RAD50: variants seen among roughly 807,000 people sequenced by gnomAD.
RAD50 encodes DNA repair protein RAD50.
A neutral mutation model predicts 168.8 loss-of-function variants in RAD50; 132 were observed. That is an observed-to-expected ratio of 0.78 (90% CI 0.68 to 0.90). The LOEUF is 0.90. Ranked by LOEUF, RAD50 falls within the 40% of genes least tolerant of loss-of-function variation. The probability of loss-of-function intolerance (pLI) is 0.00; values close to 1 mark genes in which losing one functional copy is unlikely to be tolerated. For synonymous variants in RAD50, 525 were observed against 497.4 expected, an observed-to-expected ratio of 1.06 and a Z score of -0.74; for missense variants, 1,347 against 1,534.4, an observed-to-expected ratio of 0.88 and a Z score of 2.04.
chr5:132,557,915 A>T lies in RAD50; in HGVS notation c.129+462A>T, dbSNP rs187330013. Reference sequence around the variant, plus strand: ...AGACATAATACATGGAAAATAAATAAATTCAAAATGTAACTGATGTAGTGG... The same window carrying T: ...AGACATAATACATGGAAAATAAATATATTCAAAATGTAACTGATGTAGTGG... On this transcript the variant is annotated intron_variant, in intron 1 of 24. Transcript: ENST00000378823. Among the ~76,000 whole-genome samples, 3 of 152,316 alleles carry T rather than the reference A, an allele frequency of 2.0e-5. No individual in the cohort carries two copies. The East Asian group carries it at 5.8e-4, about 29-fold the overall frequency.
Position 132,587,604 on chromosome 5 carries a change from A to C in RAD50, c.799A>C (p.Lys267Gln). Residue 267 changes from lysine (K) to glutamine (Q), a missense_variant, in exon 6 of 25, where the codon AAA becomes CAA. Lys to Gln is a moderately conservative substitution (Grantham distance 53). This residue lies in a region of RAD50 where 703 missense variants were observed against 767.7 expected (regional missense o/e 0.92). Transcript: ENST00000378823. Reference protein sequence around the residue: ...EIEHNLSKIMKLDNEIKALDS... With the variant: ...EIEHNLSKIMQLDNEIKALDS... ...TGAACATAATCTCTCTAAAATAATG[A>C]AACTTGACAATGAAATTAAAGCCTT... is the stretch of plus-strand genomic sequence containing the variant. The C allele has an allele frequency of 6.2e-7, 1 of 1,613,696 alleles. No homozygotes were observed. Among genetic ancestry groups the C allele is most frequent in the South Asian group, 1.1e-5 (1 of 91,018 alleles).
At chr5:132,588,198 AGGCTATACACAG>A (rs938183889) in intron 7 of RAD50, 109 bp downstream of exon 7, 1 of 1,271,322 alleles carries the variant, frequency 7.9e-7, no homozygotes, top group Non-Finnish European at 1.1e-6. Flanking sequence ...CAATCTTAAA[AGGCTATACACAG>A]TATGTTTCCA....
chr5:132,637,639 C>T (rs1271503291), intron 22 of RAD50, among the ~76,000 whole-genome samples: 3 of 151,944 alleles, frequency 2.0e-5, no homozygotes, highest in Non-Finnish European at 4.4e-5. Context: ...AGGTGATTCT[C>T]CCACCTCAGC....
At chr5:132,629,127 T>C (rs1251875779) in intron 21 of RAD50, among the ~76,000 whole-genome samples, 1 of 152,168 alleles carries the variant, frequency 6.6e-6, no homozygotes, top group Non-Finnish European at 1.5e-5. Context: ...CTGCATACCC[T>C]GAGAACCAGT....
intron 16 of RAD50, among the ~76,000 whole-genome samples, chr5:132,605,359 GA>G: frequency 6.6e-6 from 1 of 152,148 alleles, no homozygotes; most frequent in East Asian, 1.9e-4. Context: ...TTCTCTTTTA[GA>G]GACAGAGTCT....
chr5:132,558,251 G>C (rs1750047038), intron 1 of RAD50, among the ~76,000 whole-genome samples: 1 of 152,144 alleles, frequency 6.6e-6, no homozygotes, highest in African/African-American at 2.4e-5. Flanking sequence ...TATGTACTTA[G>C]GATTGTACTA....
intron 5 of RAD50, among the ~76,000 whole-genome samples, chr5:132,586,007 A>G (rs1045920328): frequency 6.6e-6 from 1 of 152,170 alleles, no homozygotes. Flanking sequence ...GGTACAGTTT[A>G]TAAACTTTTT....
At chr5:132,619,910 CTT>C (rs1268430961) in intron 21 of RAD50, among the ~76,000 whole-genome samples, 4 of 117,782 alleles carry the variant, frequency 3.4e-5, no homozygotes, top group East Asian at 2.6e-4. Context: ...AGAGATATAT[CTT>C]TTTTTTTTTT....
chr5:132,578,376 T>G (rs1750436914), intron 3 of RAD50, among the ~76,000 whole-genome samples: 1 of 152,166 alleles, frequency 6.6e-6, no homozygotes, highest in Non-Finnish European at 1.5e-5. Flanking sequence ...TGGAATCTGT[T>G]TCCATCTCTA....
In RAD50 at chr5:132,643,793, A is replaced by T. The variant is rs977328621; in HGVS notation, c.*1429A>T. On this transcript the variant is annotated 3_prime_UTR_variant, in exon 25 of 25. Transcript: ENST00000378823. ...AATCAATTCTAGTCATATATTAAAC[A>T]TCCACAATAACCAAGATATTTTTAT... The T allele has an allele frequency of 3.0e-5, 7 of 231,658 alleles. No individual in the cohort carries two copies. 14.4% of individuals were successfully genotyped at this position (231,658 alleles called of 1,614,324 possible). A position where few individuals can be genotyped will look rare whatever the true frequency, so the allele number is the denominator to read the frequency against.
chr5:132,612,574 C>T (rs536125687), intron 19 of RAD50, among the ~76,000 whole-genome samples: 56 of 152,270 alleles, frequency 3.7e-4, no homozygotes, highest in Non-Finnish European at 5.7e-4. Context: ...GTGGCTCATG[C>T]CTGTAATCCT....
intron 16 of RAD50, among the ~76,000 whole-genome samples, chr5:132,605,507 G>C (rs958141201): frequency 6.6e-6 from 1 of 152,014 alleles, no homozygotes; most frequent in Admixed American, 6.6e-5. Flanking sequence ...ACCACGCCTG[G>C]CTAATTTTTA....
intron 21 of RAD50, among the ~76,000 whole-genome samples, chr5:132,635,173 T>C (rs1271613709): frequency 1.3e-5 from 2 of 152,228 alleles, no homozygotes; most frequent in Admixed American, 1.3e-4. Flanking sequence ...TTTTCTCTGA[T>C]CTTGAACAAG....
At position 132,579,911 on chromosome 5, in the gene RAD50, C is replaced by T. The variant is rs2149837954; in HGVS notation, c.601C>T (p.Gln201Ter). The stretch of plus-strand genomic sequence containing the variant: ...TCGGCAGGTACGTCAGACACAAGGT[C>T]AGAAAGTAAAAGAATATCAAATGGA... Reference protein sequence around the residue: ...TLRQVRQTQGQKVKEYQMELK... With the variant: ...TLRQVRQTQG The change falls in exon 5 of 25, where the codon CAG (glutamine) becomes TAG (stop). Residue 201 changes from glutamine to a stop codon, truncating the protein, a stop_gained. Coordinates refer to ENST00000378823, the MANE Select transcript of RAD50 (RefSeq NM_005732.4). LOFTEE classifies it high-confidence loss of function. The T allele has an allele frequency of 1.2e-6, 2 of 1,612,778 alleles. No homozygotes were observed. Among genetic ancestry groups the T allele is most frequent in the Non-Finnish European group, 1.7e-6 (2 of 1,179,014 alleles).
chr5:132,632,545 T>G (rs527367799), intron 21 of RAD50, among the ~76,000 whole-genome samples: 1 of 152,258 alleles, frequency 6.6e-6, no homozygotes, highest in African/African-American at 2.4e-5. Flanking sequence ...TACCTTGTAT[T>G]TTTAATGGCT....
intron 21 of RAD50, among the ~76,000 whole-genome samples, chr5:132,621,186 A>G (rs1751277950): frequency 6.6e-6 from 1 of 152,178 alleles, no homozygotes; most frequent in Admixed American, 6.5e-5. Context: ...TCACCTTGGA[A>G]CATGTTAGAA....
rs1751805662 is a variant in RAD50 at position 132,644,354 on chromosome 5, T to G, written c.*1990T>G. 5.8e-6 allele frequency: 1 copy of G among 171,348 alleles called. No homozygotes were observed. Among genetic ancestry groups the G allele is most frequent in the South Asian group, 2.0e-4 (1 of 4,982 alleles). 10.6% of individuals were successfully genotyped at this position (171,348 alleles called of 1,614,324 possible). A position where few individuals can be genotyped will look rare whatever the true frequency, so the allele number is the denominator to read the frequency against. ...CTCCAAATATCCCCCTTCCCCACAT[T>G]GGAATGAATAGCCATCACAGCATGG... On this transcript the variant is annotated 3_prime_UTR_variant, in exon 25 of 25. Transcript: ENST00000378823.
At position 132,619,855 on chromosome 5, in the gene RAD50, G is replaced by GATATATATATATATAAAGAT. The variant is rs1312742425; in HGVS notation, c.3389+1574_3389+1575insTAAAGATATATATATATATA. ...CTCTCTCTATATATATATATATAAA[G>GATATATATATATATAAAGAT]ATATATATATATAAAGATATATATA... On this transcript the variant is annotated intron_variant, in intron 21 of 24. Coordinates refer to ENST00000378823, the MANE Select transcript of RAD50 (RefSeq NM_005732.4). Among the ~76,000 whole-genome samples the GATATATATATATATAAAGAT allele has an allele frequency of 9.7e-4, 93 of 96,084 alleles. 1 individual carries two copies. Among genetic ancestry groups the GATATATATATATATAAAGAT allele is most frequent in the African/African-American group, 3.9e-3 (89 of 22,818 alleles). 63.0% of individuals were successfully genotyped at this position (96,084 alleles called of 152,430 possible).
At chr5:132,591,126 C>A in intron 9 of RAD50, 98 bp from the exon 10 acceptor site, 1 of 1,226,016 alleles carries the variant, frequency 8.2e-7, no homozygotes, top group Non-Finnish European at 1.2e-6. Context: ...ATATTTGGAA[C>A]ATTCTGAGGA....
Sources: allele counts gnomAD v4.1 joint callset (sites outside exome capture counted in the v4.1 genomes callset), GRCh38; gene constraint gnomAD v4.1.1; regional missense constraint gnomAD v4.1.1; transcripts MANE v1.5; gene names NCBI Gene and HGNC (gene_info 2026-07-23, HGNC 2026-07-21).